The following MEPCE variants were observed in gnomAD, a reference collection of about 807,000 sequenced individuals.
MEPCE encodes 7SK snRNA methylphosphate capping enzyme.
A neutral mutation model predicts 52.3 loss-of-function variants in MEPCE; 9 were observed. The observed-to-expected ratio is 0.17, with a 90% confidence interval of 0.10 to 0.30. The LOEUF is 0.30. MEPCE is among the 10% of genes least tolerant of loss of function. The pLI is 1.00. For missense variants in MEPCE, 826 were observed against 933.0 expected, an observed-to-expected ratio of 0.89 and a Z score of 1.49; for synonymous variants, 477 against 401.6, an observed-to-expected ratio of 1.19 and a Z score of -2.25.
chr7:100,430,337 G>A lies in MEPCE; in HGVS notation c.319G>A (p.Ala107Thr). The A allele has an allele frequency of 7.0e-7, 1 of 1,426,234 alleles. No homozygotes were observed. Among genetic ancestry groups the A allele is most frequent in the Non-Finnish European group, 9.1e-7 (1 of 1,093,164 alleles). The allele number at this position is 1,426,234 out of a possible 1,614,324, so 88.3% of individuals were successfully genotyped here. Residue 107 changes from alanine (A) to threonine (T), a missense_variant, in exon 1 of 4, where the codon GCC (alanine) becomes ACC (threonine). Ala to Thr is a moderately conservative substitution (Grantham distance 58). Transcript: ENST00000310512. ...CCGCCTGTCGGATCCCCCGGGGCGA[G>A]CCGCTCCCCCGGACGTGGGGGAGGA... ...EARLSDPPGR[A>T]APPDVGEERR...
At position 100,429,948 on chromosome 7, in the gene MEPCE, G is replaced by T; in HGVS notation, c.-71G>T. 1 of 1,130,460 alleles carries T rather than the reference G, an allele frequency of 8.8e-7. No individual in the cohort carries two copies. Among genetic ancestry groups the T allele is most frequent in the Non-Finnish European group, 1.1e-6 (1 of 893,372 alleles). 70.0% of individuals were successfully genotyped at this position (1,130,460 alleles called of 1,614,324 possible). A position where few individuals can be genotyped will look rare whatever the true frequency, so the allele number is the denominator to read the frequency against. On this transcript the variant is annotated 5_prime_UTR_variant, in exon 1 of 4. Transcript: ENST00000310512. ...CTCGGGAAAGGGGGGAAGGGAGCAG[G>T]GTCCAGGCAGGGGGGGTTAGGCCCC... is the stretch of plus-strand genomic sequence containing the variant.
intron 1 of MEPCE, 56 bp downstream of exon 1, chr7:100,431,745 T>C (rs1798714161): frequency 6.9e-7 from 1 of 1,447,886 alleles, no homozygotes; most frequent in East Asian, 2.4e-5. Flanking sequence ...TGAGATTAAA[T>C]GGGAATGTAG....
chr7:100,429,461 AG>A (rs1798418596), upstream of MEPCE: 1 of 152,318 alleles, frequency 6.6e-6, no homozygotes, highest in Admixed American at 6.5e-5. Flanking sequence ...CTCAGGAACA[AG>A]GGTCGGGTGT....
At position 100,429,963 on chromosome 7, in the gene MEPCE, G is replaced by C; in HGVS notation, c.-56G>C. 1 of 1,191,698 alleles carries C rather than the reference G, an allele frequency of 8.4e-7. No individual in the cohort carries two copies. Among genetic ancestry groups the C allele is most frequent in the Non-Finnish European group, 1.1e-6 (1 of 947,436 alleles). 73.8% of individuals were successfully genotyped at this position (1,191,698 alleles called of 1,614,324 possible). ...AAGGGAGCAGGGTCCAGGCAGGGGG[G>C]GTTAGGCCCCCTGATCCCCCTCGTT... On this transcript the variant is annotated 5_prime_UTR_variant, in exon 1 of 4. Transcript: ENST00000310512.
chr7:100,431,162 G>A lies in MEPCE; in HGVS notation c.1144G>A (p.Gly382Ser), dbSNP rs146630304. 2.2e-4 allele frequency: 360 copies of A among 1,613,532 alleles called. 1 individual carries two copies. Among genetic ancestry groups the A allele is most frequent in the South Asian group, 8.0e-4 (73 of 91,080 alleles). Residue 382 changes from glycine to serine, a missense_variant, in exon 1 of 4, where the codon GGT becomes AGT. Gly to Ser is a moderately conservative substitution (Grantham distance 56). Coordinates refer to ENST00000310512, the MANE Select transcript of MEPCE (RefSeq NM_019606.6). ...SEAGARGGGQ[G>S]SKEKGRGSWG... is the part of the protein sequence containing the mutation. ...GGCAGGGGCTAGGGGTGGAGGCCAGGGTTCCAAGGAAAAGGGCCGAGGGAG... is the reference window on the plus strand; with the variant it reads ...GGCAGGGGCTAGGGGTGGAGGCCAGAGTTCCAAGGAAAAGGGCCGAGGGAG...
Position 100,429,917 on chromosome 7 carries a change from C to T in MEPCE, c.-102C>T, listed in dbSNP as rs1252978644. On this transcript the variant is annotated 5_prime_UTR_variant, in exon 1 of 4. Coordinates refer to ENST00000310512, the MANE Select transcript of MEPCE (RefSeq NM_019606.6). ...ACTAGGCGTGAAGAGCAGAGCTGCGCGCGCACTCGGGAAAGGGGGGAAGGG... is the reference window on the plus strand; with the variant it reads ...ACTAGGCGTGAAGAGCAGAGCTGCGTGCGCACTCGGGAAAGGGGGGAAGGG... 1.1e-6 allele frequency: 1 copy of T among 946,842 alleles called. No individual in the cohort carries two copies. The highest frequency in any genetic ancestry group is 1.4e-6 in the Non-Finnish European group (1 of 728,832). The allele number at this position is 946,842 out of a possible 1,614,324, so 58.7% of individuals were successfully genotyped here.
chr7:100,431,631 A>G lies in MEPCE; in HGVS notation c.1613A>G (p.Gln538Arg), dbSNP rs1311090883. Reference sequence around the variant, plus strand: ...AGCCGGGGTCCCATCGCTGCCCCCCAAGTGCCCTTGGATGGAGCGGACACA... The same window carrying G: ...AGCCGGGGTCCCATCGCTGCCCCCCGAGTGCCCTTGGATGGAGCGGACACA... The part of the protein sequence containing the change: ...TASRGPIAAP[Q>R]VPLDGADTSV... Residue 538 changes from glutamine (Q) to arginine (R), a missense_variant, in exon 1 of 4, where the codon CAA (glutamine) becomes CGA (arginine). Coordinates refer to ENST00000310512, the MANE Select transcript of MEPCE (RefSeq NM_019606.6). The G allele has an allele frequency of 6.2e-7, 1 of 1,607,430 alleles. No individual in the cohort carries two copies. Among genetic ancestry groups the G allele is most frequent in the Non-Finnish European group, 8.5e-7 (1 of 1,179,944 alleles).
intron 1 of MEPCE, among the ~76,000 whole-genome samples, chr7:100,432,390 G>A (rs1202118100): frequency 6.6e-6 from 1 of 152,180 alleles, no homozygotes; most frequent in Non-Finnish European, 1.5e-5. Context: ...GTTGGGTTAA[G>A]CCTGAAGAAT....
At position 100,430,062 on chromosome 7, in the gene MEPCE, C is replaced by T; in HGVS notation, c.44C>T (p.Ala15Val). 4.7e-6 allele frequency: 6 copies of T among 1,267,154 alleles called. No individual in the cohort carries two copies. Among genetic ancestry groups the T allele is most frequent in the Non-Finnish European group, 6.0e-6 (6 of 1,006,572 alleles). The allele number at this position is 1,267,154 out of a possible 1,614,324, so 78.5% of individuals were successfully genotyped here. ...GAGAAGGAGCCGTTTCTGGTGCCGGCCCCGCCGCCGCCGCTCAAAGATGAG... is the reference window on the plus strand; with the variant it reads ...GAGAAGGAGCCGTTTCTGGTGCCGGTCCCGCCGCCGCCGCTCAAAGATGAG... Reference protein sequence around the residue: ...AAEKEPFLVPAPPPPLKDESG... With the variant: ...AAEKEPFLVPVPPPPLKDESG... Residue 15 changes from alanine to valine, a missense_variant, in exon 1 of 4, where the codon GCC (alanine) becomes GTC (valine). Coordinates refer to ENST00000310512, the MANE Select transcript of MEPCE (RefSeq NM_019606.6).
At chr7:100,429,210 G>A (rs551666787), upstream of MEPCE, among the ~76,000 whole-genome samples, 3 of 152,094 alleles carry the variant, frequency 2.0e-5, no homozygotes, top group East Asian at 1.9e-4. Flanking sequence ...CCCGCCCTTC[G>A]TCAGGAAGCC....
chr7:100,430,349 G>A lies in MEPCE; in HGVS notation c.331G>A (p.Asp111Asn), dbSNP rs1478436040. The A allele has an allele frequency of 7.0e-7, 1 of 1,430,654 alleles. No homozygotes were observed. The highest frequency in any genetic ancestry group is 9.1e-7 in the Non-Finnish European group (1 of 1,095,148). 88.6% of individuals were successfully genotyped at this position (1,430,654 alleles called of 1,614,324 possible). ...SDPPGRAAPP[D>N]VGEERRGGGG... ...TCCCCCGGGGCGAGCCGCTCCCCCG[G>A]ACGTGGGGGAGGAGCGCCGGGGAGG... Residue 111 changes from aspartate (D) to asparagine (N), a missense_variant, in exon 1 of 4, where the codon GAC becomes AAC. Asp to Asn is a conservative substitution (Grantham distance 23). Coordinates refer to ENST00000310512, the MANE Select transcript of MEPCE (RefSeq NM_019606.6).
intron 1 of MEPCE, 36 bp downstream of exon 1, chr7:100,431,725 G>A (rs1227399592): frequency 1.3e-6 from 2 of 1,511,576 alleles, no homozygotes; most frequent in East Asian, 4.6e-5. Flanking sequence ...ATAGGGGCCA[G>A]GTGTGAAGAT....
Position 100,432,975 on chromosome 7 carries a change from T to G in MEPCE, c.1728T>G (p.Asp576Glu). ...DLVEAQTPEY[D>E]VVLCLSLTKW... is the part of the protein sequence containing the mutation. ...TGGAGGCCCAAACACCTGAGTATGA[T>G]GTGGTGCTCTGCCTCAGCCTCACCA... The change falls in exon 2 of 4, where the codon GAT becomes GAG. Residue 576 changes from aspartate (D) to glutamate (E), a missense_variant. By Grantham distance (45) the Asp-to-Glu change is conservative (BLOSUM62 2). This residue lies in a region of MEPCE where 107 missense variants were observed against 157.9 expected (regional missense o/e 0.68). Coordinates refer to ENST00000310512, the MANE Select transcript of MEPCE (RefSeq NM_019606.6). 6.2e-7 allele frequency: 1 copy of G among 1,613,996 alleles called. No homozygotes were observed. The highest frequency in any genetic ancestry group is 8.5e-7 in the Non-Finnish European group (1 of 1,180,016).
Position 100,430,930 on chromosome 7 carries a change from G to A in MEPCE, c.912G>A (p.Arg304=). The A allele has an allele frequency of 6.2e-7, 1 of 1,608,652 alleles. No individual in the cohort carries two copies. The highest frequency in any genetic ancestry group is 8.5e-7 in the Non-Finnish European group (1 of 1,176,696). Residue 304 remains arginine, a synonymous_variant, in exon 1 of 4, where the codon CGG becomes CGA. Coordinates refer to ENST00000310512, the MANE Select transcript of MEPCE (RefSeq NM_019606.6). ...GGGAGGGCGCCTCACAGCAGCCGCG[G>A]CACAGGGGCCAGAACCGGGATGCCC... ...LHGEGASQQP[R]HRGQNRDAPQ... is the part of the protein sequence containing the mutation.
chr7:100,430,183 G>A lies in MEPCE; in HGVS notation c.165G>A (p.Ala55=). Residue 55 remains alanine, a synonymous_variant, in exon 1 of 4, where the codon GCG becomes GCA. Coordinates refer to ENST00000310512, the MANE Select transcript of MEPCE (RefSeq NM_019606.6). ...CGGAGCGTGGTCCGGGTCGTTGCGC[G>A]CCATCTGCGGGGTCCCCAGCCGCTG... ...GGTERGPGRC[A]PSAGSPAAAV... is the part of the protein sequence containing the mutation. The A allele has an allele frequency of 1.5e-6, 2 of 1,293,718 alleles. No homozygotes were observed. The highest frequency in any genetic ancestry group is 2.0e-6 in the Non-Finnish European group (2 of 1,023,038). The allele number at this position is 1,293,718 out of a possible 1,614,324, so 80.1% of individuals were successfully genotyped here. A position where few individuals can be genotyped will look rare whatever the true frequency, so the allele number is the denominator to read the frequency against.
rs981189650 is a variant in MEPCE at position 100,433,986 on chromosome 7, C to T, written c.*432C>T. 7.4e-5 allele frequency: 13 copies of T among 175,066 alleles called. No homozygotes were observed. In the South Asian group the frequency reaches 9.5e-4, roughly 13 times the overall value. The allele number at this position is 175,066 out of a possible 1,614,324, so 10.8% of individuals were successfully genotyped here. A position where few individuals can be genotyped will look rare whatever the true frequency, so the allele number is the denominator to read the frequency against. On this transcript the variant is annotated 3_prime_UTR_variant, in exon 4 of 4. Transcript: ENST00000310512. ...ATGGATAGAGGGACTGAGGGTTAGA[C>T]GGGGAAGACTGGCAGGGAGGCACGC...
rs966495303 is a variant in MEPCE at position 100,434,018 on chromosome 7, T to C, written c.*464T>C. On this transcript the variant is annotated 3_prime_UTR_variant, in exon 4 of 4. Coordinates refer to ENST00000310512, the MANE Select transcript of MEPCE (RefSeq NM_019606.6). Reference sequence around the variant, plus strand: ...GACTGGCAGGGAGGCACGCAGGTACTGTGAAAATCCTTCCCTTTGCCCTCC... The same window carrying C: ...GACTGGCAGGGAGGCACGCAGGTACCGTGAAAATCCTTCCCTTTGCCCTCC... 3 of 164,450 alleles carry C rather than the reference T, an allele frequency of 1.8e-5. No homozygotes were observed. Among genetic ancestry groups the C allele is most frequent in the Non-Finnish European group, 4.0e-5 (3 of 75,158 alleles). The allele number at this position is 164,450 out of a possible 1,614,324, so 10.2% of individuals were successfully genotyped here.
intron 1 of MEPCE, among the ~76,000 whole-genome samples, chr7:100,432,360 A>G (rs748545152): frequency 2.0e-5 from 3 of 152,164 alleles, no homozygotes; most frequent in Non-Finnish European, 2.9e-5. Context: ...TAGGCTGCCT[A>G]CTGGGATCTT....
rs775988436 is a variant in MEPCE at position 100,430,407 on chromosome 7, C to T, written c.389C>T (p.Pro130Leu). Residue 130 changes from proline to leucine, a missense_variant, in exon 1 of 4, where the codon CCT becomes CTT. Physicochemically the swap from Pro to Leu is moderately conservative, Grantham distance 98. Transcript: ENST00000310512. The stretch of plus-strand genomic sequence containing the variant: ...ACAGAGCTGGGTCCCCCTGCTCCTC[C>T]TCGACCCCGCAATGGCTATCAGCCC... Reference protein sequence around the residue: ...GGTELGPPAPPRPRNGYQPHR... With the variant: ...GGTELGPPAPLRPRNGYQPHR... The T allele has an allele frequency of 2.0e-6, 3 of 1,536,744 alleles. No homozygotes were observed. The highest frequency in any genetic ancestry group is 1.8e-4 in the Middle Eastern group (1 of 5,626).
Sources: gnomAD v4.1 joint callset for allele counts (sites outside exome capture counted in the v4.1 genomes callset) on GRCh38, gnomAD v4.1.1 for gene constraint, gnomAD v4.1.1 regional missense constraint, MANE v1.5 for transcripts, NCBI Gene and HGNC (gene_info 2026-07-23, HGNC 2026-07-21) for gene names.